Variants in ELP4 observed in about 807,000 individuals in gnomAD.
ELP4 encodes elongator acetyltransferase complex subunit 4, also known as elongator complex protein 4.
Under a neutral mutation model 48.9 loss-of-function variants are expected in ELP4, and 51 were observed. The ratio of observed to expected loss-of-function variants is 1.04; its 90% CI spans 0.83 to 1.32. The LOEUF is 1.32. ELP4 is among the 40% of genes most tolerant of loss of function. ELP4 has a pLI of 0.00. For missense variants in ELP4, 519 were observed against 514.6 expected, an observed-to-expected ratio of 1.01 and a Z score of -0.08; for synonymous variants, 210 against 189.2, an observed-to-expected ratio of 1.11 and a Z score of -0.90.
At chr11:31,693,849 C>A (rs970381318) in intron 9 of ELP4, among the ~76,000 whole-genome samples, 1 of 152,178 alleles carries the variant, frequency 6.6e-6, no homozygotes, top group Non-Finnish European at 1.5e-5. Context: ...TTAATGATCG[C>A]CACTCTAACT....
intron 3 of ELP4, among the ~76,000 whole-genome samples, chr11:31,562,425 G>A (rs1275543521): frequency 6.6e-6 from 1 of 151,922 alleles, no homozygotes; most frequent in Non-Finnish European, 1.5e-5. Context: ...ATACATTCCT[G>A]GTTTACATGT....
intron 9 of ELP4, among the ~76,000 whole-genome samples, chr11:31,696,918 C>G (rs947386250): frequency 6.6e-6 from 1 of 152,080 alleles, no homozygotes; most frequent in Non-Finnish European, 1.5e-5. Context: ...GGAGACTCAT[C>G]TCACGTGCAG....
At chr11:31,696,898 G>A (rs533341372) in intron 9 of ELP4, among the ~76,000 whole-genome samples, 1 of 152,234 alleles carries the variant, frequency 6.6e-6, no homozygotes, top group South Asian at 2.1e-4. Context: ...CCATCAGTGT[G>A]CCATATTCAG....
At chr11:31,734,269 A>T (rs143818953) in intron 9 of ELP4, among the ~76,000 whole-genome samples, 2 of 152,232 alleles carry the variant, frequency 1.3e-5, no homozygotes, top group African/African-American at 2.4e-5. Flanking sequence ...CTGTATGGTG[A>T]AAAACTGAAA....
intron 9 of ELP4, chr11:31,651,740 A>G (rs1232490483): frequency 2.0e-5 from 3 of 151,710 alleles, no homozygotes; most frequent in Non-Finnish European, 4.4e-5. Flanking sequence ...TTTCCCCAAA[A>G]TCAGTATTCT....
chr11:31,540,406 T>C (rs1956573421), intron 3 of ELP4, among the ~76,000 whole-genome samples: 1 of 152,228 alleles, frequency 6.6e-6, no homozygotes, highest in Non-Finnish European at 1.5e-5. Context: ...ATTTTACATT[T>C]CTACTTAGCA....
At chr11:31,634,694 T>C (rs1466370116) in intron 7 of ELP4, among the ~76,000 whole-genome samples, 1 of 151,994 alleles carries the variant, frequency 6.6e-6, no homozygotes, top group Admixed American at 6.6e-5. Context: ...GAAACAATAT[T>C]TTAACTTTGA....
At chr11:31,524,719 TC>T (rs1956271624) in intron 2 of ELP4, among the ~76,000 whole-genome samples, 1 of 152,238 alleles carries the variant, frequency 6.6e-6, no homozygotes, top group Non-Finnish European at 1.5e-5. Flanking sequence ...TTGTCAGTCA[TC>T]TTCAACCTTT....
chr11:31,719,208 T>C (rs1392627439), intron 9 of ELP4, among the ~76,000 whole-genome samples: 1 of 150,790 alleles, frequency 6.6e-6, no homozygotes, highest in Non-Finnish European at 1.5e-5. Context: ...CAGTGAGGCA[T>C]GTTGCACCAC....
At chr11:31,541,325 T>C (rs1367469077) in intron 3 of ELP4, 1 of 152,194 alleles carries the variant, frequency 6.6e-6, no homozygotes, top group African/African-American at 2.4e-5. Context: ...GTAGGGCTTA[T>C]TTTTTTCTCA....
chr11:31,544,063 C>T (rs971992783), intron 3 of ELP4, among the ~76,000 whole-genome samples: 1 of 152,212 alleles, frequency 6.6e-6, no homozygotes, highest in African/African-American at 2.4e-5. Flanking sequence ...CAGCTCCCAG[C>T]GTGAGCGACG....
At chr11:31,729,568 G>A (rs1219152685) in intron 9 of ELP4, among the ~76,000 whole-genome samples, 2 of 152,092 alleles carry the variant, frequency 1.3e-5, no homozygotes, top group Non-Finnish European at 2.9e-5. Flanking sequence ...CTTTTGTTTG[G>A]TTCTCATGGT....
rs1956916530 is a variant in ELP4 at position 31,555,500 on chromosome 11, G to A, written c.381+15717G>A. ...TATTTGATTTTTTGGTACACTTACA[G>A]TGTTGTACAAACACTGTGATTAGAA... On this transcript the variant is annotated intron_variant, in intron 3 of 9. Coordinates refer to ENST00000640961, the MANE Select transcript of ELP4 (RefSeq NM_019040.5). Among the ~76,000 whole-genome samples the A allele has an allele frequency of 9.2e-5, 14 of 151,870 alleles. 2 individuals are homozygous for A. In the South Asian group the frequency reaches 2.9e-3, roughly 32 times the overall value.
chr11:31,546,098 A>G (rs568599359), intron 3 of ELP4, among the ~76,000 whole-genome samples: 1 of 152,276 alleles, frequency 6.6e-6, no homozygotes, highest in East Asian at 1.9e-4. Flanking sequence ...ATAACCAGCT[A>G]ACATTATAAT....
chr11:31,536,121 C>A (rs1328126085), intron 2 of ELP4, among the ~76,000 whole-genome samples: 1 of 151,904 alleles, frequency 6.6e-6, no homozygotes, highest in Non-Finnish European at 1.5e-5. Context: ...AGTAGTAATC[C>A]ATTTAGGAAT....
chr11:31,736,218 A>C (rs1319899357), intron 9 of ELP4, among the ~76,000 whole-genome samples: 2 of 152,202 alleles, frequency 1.3e-5, no homozygotes, highest in Non-Finnish European at 2.9e-5. Context: ...AAAAACAAAG[A>C]ATGGGGAAAG....
intron 3 of ELP4, among the ~76,000 whole-genome samples, chr11:31,541,841 T>A (rs934605167): frequency 3.3e-5 from 5 of 152,224 alleles, no homozygotes; most frequent in African/African-American, 1.2e-4. Context: ...ATTACCTTTT[T>A]CATCAAGCTT....
intron 1 of ELP4, among the ~76,000 whole-genome samples, chr11:31,515,676 A>G (rs192584952): frequency 6.6e-6 from 1 of 152,148 alleles, no homozygotes; most frequent in East Asian, 1.9e-4. Flanking sequence ...CCCCCCACAA[A>G]AAAAAGGAAT....
chr11:31,772,223 G>A lies in ELP4; in HGVS notation c.1144-11170G>A, dbSNP rs190628202. Reference sequence around the variant, plus strand: ...CAACCTCCACATCCCGGGTTCAAGCGGTTCTCCAATTCTCATGCCTCAGTC... The same window carrying A: ...CAACCTCCACATCCCGGGTTCAAGCAGTTCTCCAATTCTCATGCCTCAGTC... On this transcript the variant is annotated intron_variant, in intron 9 of 9. Transcript: ENST00000640961. 2.8e-4 allele frequency among the ~76,000 whole-genome samples: 43 copies of A among 150,950 alleles called. 1 individual carries two copies. The highest frequency in any genetic ancestry group is 2.6e-3 in the Admixed American group (39 of 15,136).
Sources: allele counts gnomAD v4.1 joint callset (sites outside exome capture counted in the v4.1 genomes callset), GRCh38; gene constraint gnomAD v4.1.1; transcripts MANE v1.5; gene names NCBI Gene and HGNC (gene_info 2026-07-23, HGNC 2026-07-21).